Variants in LEO1 observed in about 807,000 individuals in gnomAD.
LEO1 encodes LEO1 component of Paf1/RNA polymerase II complex.
Under a neutral mutation model 80.4 loss-of-function variants are expected in LEO1, and 34 were observed. That is an observed-to-expected ratio of 0.42 (90% CI 0.32 to 0.56). The LOEUF (loss-of-function observed/expected upper bound fraction) is 0.56. LEO1 is among the 20% of genes least tolerant of loss of function. The probability of loss-of-function intolerance (pLI) is 0.10; values close to 1 mark genes in which losing one functional copy is unlikely to be tolerated. For synonymous variants in LEO1, 262 were observed against 274.9 expected, an observed-to-expected ratio of 0.95 and a Z score of 0.46; for missense variants, 631 against 814.2, an observed-to-expected ratio of 0.77 and a Z score of 2.74.
chr15:51,953,153 A>G lies in LEO1; in HGVS notation c.1451T>C (p.Val484Ala). Residue 484 changes from valine to alanine, a missense_variant, in exon 8 of 12, where the codon GTC becomes GCC. This residue lies in a region of LEO1 where 25 missense variants were observed against 83.5 expected (regional missense o/e 0.30). Transcript: ENST00000299601. ...RQGTGLQGQA[V>A]FKTKLTFRPH... ...CCTGAAGGTGAGTTTCGTTTTAAAG[A>G]CTGCTTGTCCCTGTAGACCAGTACC... 1 of 1,613,390 alleles carries G rather than the reference A, an allele frequency of 6.2e-7. No homozygotes were observed. The highest frequency in any genetic ancestry group is 8.5e-7 in the Non-Finnish European group (1 of 1,179,572).
At chr15:51,953,937 C>CTT (rs112885993) in intron 7 of LEO1, among the ~76,000 whole-genome samples, 1 of 139,404 alleles carries the variant, frequency 7.2e-6, no homozygotes, top group Non-Finnish European at 1.6e-5. Flanking sequence ...GAAATTTTTT[C>CTT]TTTTTTTTTT....
intron 11 of LEO1, among the ~76,000 whole-genome samples, chr15:51,940,299 G>A (rs7173865): frequency 0.013 from 1,717 of 135,162 alleles, 38 homozygotes; most frequent in African/African-American, 0.046. Flanking sequence ...GGTGGCTCAC[G>A]CCTGTAATCC....
rs1483775314 is a variant in LEO1 at position 51,940,793 on chromosome 15, AT to A, written c.1897-2534del. 5.3e-5 allele frequency among the ~76,000 whole-genome samples: 8 copies of A among 151,686 alleles called. No individual in the cohort carries two copies. The South Asian group carries it at 8.3e-4, about 16-fold the overall frequency. ...AAAATTATAATTGCTACAAAAAAAA[AT>A]TTTTAATAAAATAAATAATAAGGCC... is the stretch of plus-strand genomic sequence containing the variant. On this transcript the variant is annotated intron_variant, in intron 11 of 11. Coordinates refer to ENST00000299601, the MANE Select transcript of LEO1 (RefSeq NM_138792.4).
intron 11 of LEO1, among the ~76,000 whole-genome samples, chr15:51,939,387 T>G (rs1247793728): frequency 6.6e-6 from 1 of 152,168 alleles, no homozygotes; most frequent in African/African-American, 2.4e-5. Flanking sequence ...CACACTTGTT[T>G]CCTGCCTTAT....
At chr15:51,952,586 A>G (rs2056957995) in intron 8 of LEO1, among the ~76,000 whole-genome samples, 1 of 152,184 alleles carries the variant, frequency 6.6e-6, no homozygotes, top group South Asian at 2.1e-4. Context: ...AGAAGCATGA[A>G]CATCTCAGTG....
At chr15:51,967,917 C>G (rs1258853000) in intron 1 of LEO1, among the ~76,000 whole-genome samples, 2 of 152,246 alleles carry the variant, frequency 1.3e-5, no homozygotes, top group East Asian at 3.8e-4. Context: ...GGCGCAGTGG[C>G]TCATGCCTGT....
intron 11 of LEO1, among the ~76,000 whole-genome samples, chr15:51,943,214 CTA>C (rs1311940919): frequency 6.6e-6 from 1 of 151,404 alleles, no homozygotes; most frequent in Non-Finnish European, 1.5e-5. Flanking sequence ...CCCATGTCTA[CTA>C]AAAATACAAA....
Position 51,938,141 on chromosome 15 carries a change from T to C in LEO1, c.*15A>G. ...TGTACAATAAAATATATAAAATGTT[T>C]TCATATTTCATACTTCAATCATCAT... On this transcript the variant is annotated 3_prime_UTR_variant, in exon 12 of 12. Coordinates refer to ENST00000299601, the MANE Select transcript of LEO1 (RefSeq NM_138792.4). 1 of 1,336,324 alleles carries C rather than the reference T, an allele frequency of 7.5e-7. No homozygotes were observed. The highest frequency in any genetic ancestry group is 2.3e-5 in the East Asian group (1 of 43,142). The allele number at this position is 1,336,324 out of a possible 1,614,324, so 82.8% of individuals were successfully genotyped here.
intron 11 of LEO1, among the ~76,000 whole-genome samples, chr15:51,943,511 C>T (rs1333516408): frequency 6.6e-6 from 1 of 151,504 alleles, no homozygotes; most frequent in Non-Finnish European, 1.5e-5. Flanking sequence ...ACCAGCCTGG[C>T]CAACATGGTG....
chr15:51,965,917 G>T lies in LEO1; in HGVS notation c.646C>A (p.Arg216=), dbSNP rs182446553. 9 of 1,613,990 alleles carry T rather than the reference G, an allele frequency of 5.6e-6. No individual in the cohort carries two copies. Among genetic ancestry groups the T allele is most frequent in the Non-Finnish European group, 7.6e-6 (9 of 1,179,978 alleles). Residue 216 remains arginine (R), a synonymous_variant, in exon 2 of 12, where the codon CGG becomes AGG. Transcript: ENST00000299601. ...EEEKANSDDE[R]PVASDNDDEK... Reference sequence around the variant, plus strand: ...TCATCATTATCAGAAGCTACCGGCCGTTCATCATCAGAATTAGCCTTTTCC... The same window carrying T: ...TCATCATTATCAGAAGCTACCGGCCTTTCATCATCAGAATTAGCCTTTTCC...
intron 5 of LEO1, 141 bp from the exon 6 acceptor site, chr15:51,958,967 A>C: frequency 4.1e-6 from 2 of 493,104 alleles, no homozygotes; most frequent in East Asian, 3.5e-5. Context: ...CAATATCTTC[A>C]TGCTTAACTT....
At position 51,965,972 on chromosome 15, in the gene LEO1, G is replaced by A. The variant is rs114304676; in HGVS notation, c.591C>T (p.Ser197=). The part of the protein sequence containing the change: ...NTDDEERPQL[S]DDERQQLSEE... ...CAGATAGCTGTTGTCTCTCATCATC[G>A]GAAAGCTGAGGCCTCTCCTCATCAT... Residue 197 remains serine, a synonymous_variant, in exon 2 of 12, where the codon TCC becomes TCT. Coordinates refer to ENST00000299601, the MANE Select transcript of LEO1 (RefSeq NM_138792.4). 1.9e-5 allele frequency: 31 copies of A among 1,613,788 alleles called. No homozygotes were observed. The highest frequency in any genetic ancestry group is 3.3e-4 in the Middle Eastern group (2 of 6,062).
rs75649492 is a variant in LEO1, at chr15:51,954,448, T to C, written c.1340+33A>G. 3.0e-6 allele frequency: 4 copies of C among 1,316,434 alleles called. No homozygotes were observed. The East Asian group carries it at 6.9e-5, about 23-fold the overall frequency. 81.5% of individuals were successfully genotyped at this position (1,316,434 alleles called of 1,614,324 possible). A position where few individuals can be genotyped will look rare whatever the true frequency, so the allele number is the denominator to read the frequency against. On this transcript the variant is annotated intron_variant, in intron 7 of 11. Coordinates refer to ENST00000299601, the MANE Select transcript of LEO1 (RefSeq NM_138792.4). ...CTTGATCCCTCTGACCCGTTCTGGG[T>C]ATGTCAATACCCTTCAGGCGTTTTG... is the stretch of plus-strand genomic sequence containing the variant.
chr15:51,951,304 G>A (rs1311419437), intron 9 of LEO1, among the ~76,000 whole-genome samples: 1 of 152,232 alleles, frequency 6.6e-6, no homozygotes, highest in African/African-American at 2.4e-5. Flanking sequence ...GCCAATATGA[G>A]CACATGCTCT....
intron 11 of LEO1, among the ~76,000 whole-genome samples, chr15:51,944,158 C>T (rs995388768): frequency 1.3e-5 from 2 of 152,276 alleles, no homozygotes; most frequent in Middle Eastern, 3.4e-3. Flanking sequence ...CGTGCAGATA[C>T]ATCACAGTAA....
At chr15:51,940,795 T>G (rs769766593) in intron 11 of LEO1, among the ~76,000 whole-genome samples, 2 of 151,300 alleles carry the variant, frequency 1.3e-5, no homozygotes, top group Non-Finnish European at 3.0e-5. Flanking sequence ...AAAAAAAAAT[T>G]TTTAATAAAA....
chr15:51,957,150 C>G (rs1304657372), intron 6 of LEO1, among the ~76,000 whole-genome samples: 1 of 152,044 alleles, frequency 6.6e-6, no homozygotes, highest in Non-Finnish European at 1.5e-5. Context: ...ATACTAGAAT[C>G]TGGTATCACA....
intron 10 of LEO1, 58 bp from the exon 11 acceptor site, chr15:51,947,447 G>C: frequency 2.4e-6 from 3 of 1,225,412 alleles, no homozygotes; most frequent in Non-Finnish European, 3.6e-6. Context: ...ACAGGGTCTT[G>C]CTTTGAGGCC....
At chr15:51,960,109 C>G in intron 4 of LEO1, 65 bp from the exon 5 acceptor site, 1 of 1,284,156 alleles carries the variant, frequency 7.8e-7, no homozygotes, top group South Asian at 1.3e-5. Flanking sequence ...TCAACCTCCA[C>G]ACTTTAATTA....
Sources: gnomAD v4.1 joint callset for allele counts (sites outside exome capture counted in the v4.1 genomes callset) on GRCh38, gnomAD v4.1.1 for gene constraint, gnomAD v4.1.1 regional missense constraint, MANE v1.5 for transcripts, NCBI Gene and HGNC (gene_info 2026-07-23, HGNC 2026-07-21) for gene names.